COL22A1: variants seen among roughly 807,000 people sequenced by gnomAD.
The protein encoded by COL22A1 is collagen type XXII alpha 1 chain, also known as collagen alpha-1(XXII) chain.
COL22A1 carries 221 observed loss-of-function variants against 248.9 expected under a neutral mutation model. The observed-to-expected ratio is 0.89, with a 90% CI of 0.80 to 0.99. The LOEUF (loss-of-function observed/expected upper bound fraction) is 0.99, where lower values mean the gene tolerates loss of function less well. Ranked by LOEUF, COL22A1 falls within the 50% of genes least tolerant of loss-of-function variation. The pLI is 0.00. For synonymous variants in COL22A1, 891 were observed against 793.4 expected (o/e 1.12, Z -2.07); for missense variants, 2,240 against 2,179.0 (o/e 1.03, Z -0.56).
chr8:138,641,416 G>A (rs529168593), intron 47 of COL22A1, among the ~76,000 whole-genome samples: 1 of 152,150 alleles, frequency 6.6e-6, no homozygotes, highest in South Asian at 2.1e-4. Context: ...GGACAGAATA[G>A]TCATCATTTC....
intron 7 of COL22A1, among the ~76,000 whole-genome samples, chr8:138,814,466 C>T (rs535970267): frequency 1.1e-4 from 17 of 152,316 alleles, no homozygotes; most frequent in African/African-American, 4.1e-4. Context: ...TCTCTCATCA[C>T]TCACCATGGG....
intron 43 of COL22A1, among the ~76,000 whole-genome samples, chr8:138,661,131 C>T (rs1438812668): frequency 6.6e-6 from 1 of 151,848 alleles, no homozygotes; most frequent in Admixed American, 6.6e-5. Flanking sequence ...CTGTCTTAAA[C>T]TTTCCCAGTG....
At chr8:138,873,001 C>G (rs1353008959) in intron 3 of COL22A1, among the ~76,000 whole-genome samples, 1 of 152,144 alleles carries the variant, frequency 6.6e-6, no homozygotes, top group African/African-American at 2.4e-5. Flanking sequence ...CACTGGCCAC[C>G]AGGTATGAGC....
Position 138,728,413 on chromosome 8 carries a change from C to T in COL22A1, c.2140-2973G>A, listed in dbSNP as rs767642097. Among the ~76,000 whole-genome samples, 46 of 152,250 alleles carry T rather than the reference C, an allele frequency of 3.0e-4. 1 individual carries two copies. The highest frequency in any genetic ancestry group is 3.4e-3 in the Middle Eastern group (1 of 294). The stretch of plus-strand genomic sequence containing the variant: ...GCCCTTCCCAAGCATACAGGAGTCT[C>T]TTTGTTAGCAGTCTGAATGAACAAT... On this transcript the variant is annotated intron_variant, in intron 23 of 64. Coordinates refer to ENST00000303045, the MANE Select transcript of COL22A1 (RefSeq NM_152888.3).
chr8:138,826,927 A>T, intron 5 of COL22A1, 146 bp from the exon 6 acceptor site: 1 of 992,760 alleles, frequency 1.0e-6, no homozygotes, highest in Non-Finnish European at 1.5e-6. Flanking sequence ...GCCTGCCTTC[A>T]CTGCCTTCTC....
chr8:138,890,851 A>C (rs1053363264), intron 1 of COL22A1, among the ~76,000 whole-genome samples: 2 of 151,916 alleles, frequency 1.3e-5, no homozygotes, highest in Non-Finnish European at 2.9e-5. Flanking sequence ...CGTCTCTACA[A>C]AAATACAAAG....
At chr8:138,605,399 G>A (rs1267898271) in intron 58 of COL22A1, among the ~76,000 whole-genome samples, 1 of 152,196 alleles carries the variant, frequency 6.6e-6, no homozygotes, top group Non-Finnish European at 1.5e-5. Flanking sequence ...CCACAGGAGT[G>A]GGTGCCTGGC....
intron 41 of COL22A1, among the ~76,000 whole-genome samples, chr8:138,664,930 C>A (rs985944172): frequency 1.4e-4 from 21 of 152,136 alleles, no homozygotes; most frequent in Admixed American, 8.5e-4. Context: ...GTTAGTCCCA[C>A]ATCCTGCCCT....
intron 22 of COL22A1, among the ~76,000 whole-genome samples, chr8:138,742,427 A>C (rs1321168733): frequency 6.7e-6 from 1 of 149,130 alleles, no homozygotes; most frequent in African/African-American, 2.5e-5. Flanking sequence ...GGTGGAGTTG[A>C]TGGTGATGGT....
intron 3 of COL22A1, among the ~76,000 whole-genome samples, chr8:138,862,759 G>GTT: frequency 6.9e-6 from 1 of 145,822 alleles, no homozygotes. Flanking sequence ...AAGATACAAG[G>GTT]TTTTTTTTTT....
intron 41 of COL22A1, among the ~76,000 whole-genome samples, chr8:138,667,042 C>T (rs1824563782): frequency 6.6e-6 from 1 of 152,138 alleles, no homozygotes; most frequent in Non-Finnish European, 1.5e-5. Flanking sequence ...CAGTGCCCAA[C>T]CATAAAAGGA....
At chr8:138,627,086 C>T (rs1223090815) in intron 50 of COL22A1, among the ~76,000 whole-genome samples, 1 of 152,062 alleles carries the variant, frequency 6.6e-6, no homozygotes, top group Non-Finnish European at 1.5e-5. Flanking sequence ...AGGCAATGCG[C>T]AATAATAACC....
intron 1 of COL22A1, among the ~76,000 whole-genome samples, chr8:138,900,084 A>C (rs1017704988): frequency 4.1e-4 from 63 of 152,256 alleles, no homozygotes; most frequent in African/African-American, 1.5e-3. Flanking sequence ...ACAGCTGAGT[A>C]ACCTCATGTT....
chr8:138,774,310 T>C (rs1022788737), intron 16 of COL22A1, among the ~76,000 whole-genome samples: 7 of 152,194 alleles, frequency 4.6e-5, no homozygotes, highest in Admixed American at 4.6e-4. Flanking sequence ...ATTCATTTGC[T>C]TTGACCAGTA....
At chr8:138,755,075 G>T in intron 21 of COL22A1, 82 bp downstream of exon 21, 4 of 1,393,684 alleles carry the variant, frequency 2.9e-6, no homozygotes, top group Non-Finnish European at 4.1e-6. Flanking sequence ...CATGCTCAGC[G>T]CCGGGAATGA....
chr8:138,708,829 C>G (rs1828702723), intron 30 of COL22A1, among the ~76,000 whole-genome samples: 1 of 152,174 alleles, frequency 6.6e-6, no homozygotes, highest in Non-Finnish European at 1.5e-5. Context: ...GCAAAAGAAA[C>G]TACCATTAGA....
At chr8:138,714,868 G>A (rs747541693) in intron 30 of COL22A1, among the ~76,000 whole-genome samples, 1 of 152,138 alleles carries the variant, frequency 6.6e-6, no homozygotes, top group Admixed American at 6.5e-5. Flanking sequence ...GCTCATGAAC[G>A]ATGCAGGGGA....
chr8:138,616,869 G>A lies in COL22A1; in HGVS notation c.3870+45C>T, dbSNP rs780836719. On this transcript the variant is annotated intron_variant, in intron 54 of 64. Coordinates refer to ENST00000303045, the MANE Select transcript of COL22A1 (RefSeq NM_152888.3). ...AGTATCTTCTGTCTGGGAAGTGTAA[G>A]CTCTGCCCACCTGGGGGGACCTCCA... 4.3e-6 allele frequency: 7 copies of A among 1,610,100 alleles called. No homozygotes were observed. In the South Asian group the frequency reaches 5.5e-5, roughly 13 times the overall value.
At chr8:138,663,814 C>G (rs1268485224) in intron 41 of COL22A1, 74 bp from the exon 42 acceptor site, 25 of 1,174,866 alleles carry the variant, frequency 2.1e-5, no homozygotes, top group Non-Finnish European at 3.2e-5. Context: ...GGTGTTTATT[C>G]CATAGACAGG....
Sources: allele counts gnomAD v4.1 joint callset (sites outside exome capture counted in the v4.1 genomes callset), GRCh38; gene constraint gnomAD v4.1.1; transcripts MANE v1.5; gene names NCBI Gene and HGNC (gene_info 2026-07-23, HGNC 2026-07-21).